Variants in ADGB observed in about 807,000 individuals in gnomAD.
ADGB encodes calpain-7-like protein.
Under a neutral mutation model 210.5 loss-of-function variants are expected in ADGB, and 172 were observed. The observed-to-expected ratio is 0.82, with a 90% confidence interval of 0.72 to 0.93. ADGB has a LOEUF of 0.93. Among genes scored for constraint, ADGB ranks in the 40% least tolerant of loss-of-function variants. ADGB has a pLI of 0.00. For missense variants in ADGB, 2,025 were observed against 1,964.8 expected (o/e 1.03, Z -0.58); for synonymous variants, 658 against 662.7 (o/e 0.99, Z 0.11).
intron 5 of ADGB, among the ~76,000 whole-genome samples, chr6:146,661,143 C>A (rs921640315): frequency 4.0e-5 from 6 of 151,790 alleles, no homozygotes; most frequent in Non-Finnish European, 5.9e-5. Flanking sequence ...ACTTTACCAC[C>A]ATTTAGTCTT....
chr6:146,644,644 A>G (rs1775579119), intron 2 of ADGB, 129 bp from the exon 3 acceptor site: 1 of 520,572 alleles, frequency 1.9e-6, no homozygotes, highest in African/African-American at 2.0e-5. Flanking sequence ...CTCTTACAAC[A>G]AGAACACAAA....
In ADGB at chr6:146,740,380, T is replaced by C; in HGVS notation, c.2889-79T>C. ...ACTTGCAATATCTTATACTATTTTT[T>C]GTCATTTCTTTTTGTAAATAGAGTT... On this transcript the variant is annotated intron_variant, in intron 23 of 35. Coordinates refer to ENST00000397944, the MANE Select transcript of ADGB (RefSeq NM_024694.4). 3 of 1,253,996 alleles carry C rather than the reference T, an allele frequency of 2.4e-6. No homozygotes were observed. In the South Asian group the frequency reaches 4.7e-5, roughly 19 times the overall value. The allele number at this position is 1,253,996 out of a possible 1,614,324, so 77.7% of individuals were successfully genotyped here. A position where few individuals can be genotyped will look rare whatever the true frequency, so the allele number is the denominator to read the frequency against.
intron 1 of ADGB, among the ~76,000 whole-genome samples, chr6:146,616,206 A>G (rs1262223282): frequency 6.7e-6 from 1 of 148,318 alleles, no homozygotes; most frequent in Non-Finnish European, 1.5e-5. Context: ...GGCCATTTGT[A>G]TGTCTTCTTT....
intron 1 of ADGB, among the ~76,000 whole-genome samples, chr6:146,620,813 T>C (rs1472708979): frequency 6.6e-6 from 1 of 152,166 alleles, no homozygotes; most frequent in Non-Finnish European, 1.5e-5. Flanking sequence ...GGTCAATTAC[T>C]GGAGATTTGT....
In ADGB at chr6:146,676,366, G is replaced by A; in HGVS notation, c.1141G>A (p.Glu381Lys). Residue 381 changes from glutamate (E) to lysine (K), a missense_variant, in exon 9 of 36, where the codon GAA becomes AAA. Glu to Lys is a moderately conservative substitution (Grantham distance 56, BLOSUM62 1). Coordinates refer to ENST00000397944, the MANE Select transcript of ADGB (RefSeq NM_024694.4). ...GAAGAGAAGCAAAGATGGAGAAAAAGAAAAATTCAAATTCTCACTTCATGG... is the reference window on the plus strand; with the variant it reads ...GAAGAGAAGCAAAGATGGAGAAAAAAAAAAATTCAAATTCTCACTTCATGG... The part of the protein sequence containing the change: ...GKKRSKDGEK[E>K]KFKFSLHGSR... The A allele has an allele frequency of 3.9e-6, 6 of 1,549,430 alleles. No homozygotes were observed. The African/African-American group carries it at 6.8e-5, about 18-fold the overall frequency.
intron 23 of ADGB, 54 bp downstream of exon 23, chr6:146,736,645 C>G: frequency 1.6e-6 from 2 of 1,275,292 alleles, no homozygotes; most frequent in Non-Finnish European, 2.2e-6. Context: ...TTGTCAAAGT[C>G]CAGTTTGAAT....
chr6:146,706,889 GATTT>G (rs964414865), intron 13 of ADGB, among the ~76,000 whole-genome samples: 2 of 124,722 alleles, frequency 1.6e-5, no homozygotes, highest in African/African-American at 3.3e-5. Flanking sequence ...TCTGTTCTGA[GATTT>G]ATTATTTCCT....
chr6:146,632,136 G>C (rs1781075322), intron 1 of ADGB, among the ~76,000 whole-genome samples: 1 of 151,950 alleles, frequency 6.6e-6, no homozygotes, highest in Non-Finnish European at 1.5e-5. Context: ...AATTCTCGAG[G>C]TCACAAGTCC....
At position 146,676,976 on chromosome 6, in the gene ADGB, A is replaced by G. The variant is rs564062232; in HGVS notation, c.1216+535A>G. 3.9e-5 allele frequency among the ~76,000 whole-genome samples: 6 copies of G among 152,288 alleles called. No homozygotes were observed. In the East Asian group the frequency reaches 1.2e-3, roughly 29 times the overall value. ...GGGTGGATGTACAAGAACTATTTAT[A>G]ATAGCCTCATTGTATAAAGGTCAAC... is the stretch of plus-strand genomic sequence containing the variant. On this transcript the variant is annotated intron_variant, in intron 9 of 35. Transcript: ENST00000397944.
chr6:146,613,604 A>T (rs981552208), intron 1 of ADGB, among the ~76,000 whole-genome samples: 1 of 152,196 alleles, frequency 6.6e-6, no homozygotes, highest in African/African-American at 2.4e-5. Flanking sequence ...AATCTAATTA[A>T]AGCAAATATA....
intron 33 of ADGB, among the ~76,000 whole-genome samples, chr6:146,800,689 A>G (rs1778115822): frequency 6.6e-6 from 1 of 152,024 alleles, no homozygotes; most frequent in Non-Finnish European, 1.5e-5. Context: ...TATATTGCCT[A>G]CTCCACTGGA....
intron 1 of ADGB, among the ~76,000 whole-genome samples, chr6:146,623,114 TC>T (rs1780920301): frequency 6.6e-6 from 1 of 152,016 alleles, no homozygotes; most frequent in Non-Finnish European, 1.5e-5. Flanking sequence ...GAACTGTTAG[TC>T]TTTGAATATG....
chr6:146,625,340 A>G (rs1780957036), intron 1 of ADGB, among the ~76,000 whole-genome samples: 1 of 152,046 alleles, frequency 6.6e-6, no homozygotes, highest in Non-Finnish European at 1.5e-5. Flanking sequence ...TACTGGTAAT[A>G]TTCTTTTTTT....
At chr6:146,745,820 A>C in intron 25 of ADGB, 102 bp from the exon 26 acceptor site, 2 of 839,252 alleles carry the variant, frequency 2.4e-6, no homozygotes, top group Non-Finnish European at 3.4e-6. Context: ...TGGGACCTGT[A>C]GGTATATCAT....
intron 23 of ADGB, among the ~76,000 whole-genome samples, chr6:146,737,987 G>A (rs1407145963): frequency 6.6e-6 from 1 of 152,156 alleles, no homozygotes; most frequent in East Asian, 1.9e-4. Flanking sequence ...AAACTCAAAT[G>A]CCAGTGGCAT....
At chr6:146,758,103 G>T (rs982698007) in intron 27 of ADGB, among the ~76,000 whole-genome samples, 4 of 151,918 alleles carry the variant, frequency 2.6e-5, no homozygotes, top group Non-Finnish European at 4.4e-5. Flanking sequence ...ATATCTCCTG[G>T]GTTGTTTTCA....
chr6:146,787,594 G>A (rs992549623), intron 32 of ADGB, among the ~76,000 whole-genome samples: 32 of 151,812 alleles, frequency 2.1e-4, no homozygotes, highest in African/African-American at 7.0e-4. Context: ...TTAGGGAATC[G>A]ACTTTTGACT....
chr6:146,713,023 G>C (rs932989558), intron 13 of ADGB, among the ~76,000 whole-genome samples: 1 of 151,234 alleles, frequency 6.6e-6, no homozygotes, highest in Non-Finnish European at 1.5e-5. Context: ...TTTTGTGATT[G>C]ACTTATTTCA....
intron 1 of ADGB, among the ~76,000 whole-genome samples, chr6:146,599,967 C>T (rs1780528664): frequency 6.6e-6 from 1 of 152,168 alleles, no homozygotes; most frequent in Admixed American, 6.5e-5. Flanking sequence ...TGAATTCTTA[C>T]ATCCTTGATG....
Sources: allele counts gnomAD v4.1 joint callset (sites outside exome capture counted in the v4.1 genomes callset), GRCh38; gene constraint gnomAD v4.1.1; transcripts MANE v1.5; gene names NCBI Gene and HGNC (gene_info 2026-07-23, HGNC 2026-07-21).